The following ZNF397 variants were observed in gnomAD, a reference collection of about 807,000 sequenced individuals.
The protein encoded by ZNF397 is zinc finger protein 397, also known as zinc finger and SCAN domain-containing protein 15.
Under a neutral mutation model 50.6 loss-of-function variants are expected in ZNF397, and 38 were observed. The observed-to-expected ratio is 0.75, with a 90% CI of 0.58 to 0.98. The LOEUF (loss-of-function observed/expected upper bound fraction) is 0.98. ZNF397 is among the 50% of genes least tolerant of loss of function. The pLI, the probability that ZNF397 is intolerant of heterozygous loss-of-function variation, is 0.00. For missense variants in ZNF397, 624 were observed against 624.1 expected (o/e 1.00, Z 0.00); for synonymous variants, 228 against 215.2 (o/e 1.06, Z -0.52).
Position 35,247,535 on chromosome 18 carries a change from TC to T in ZNF397, c.*1227del, listed in dbSNP as rs1386451312. 1 of 152,240 alleles carries T rather than the reference TC, an allele frequency of 6.6e-6. No homozygotes were observed. Among genetic ancestry groups the T allele is most frequent in the African/African-American group, 2.4e-5 (1 of 41,454 alleles). 9.4% of individuals were successfully genotyped at this position (152,240 alleles called of 1,614,324 possible). ...GTTTCTGGGGCTATACGCCCACAAT[TC>T]CTAGTACATTCCCTTGGGCTTTGGT... On this transcript the variant is annotated 3_prime_UTR_variant, in exon 4 of 4. Coordinates refer to ENST00000330501, the MANE Select transcript of ZNF397 (RefSeq NM_001135178.3).
Position 35,243,737 on chromosome 18 carries a change from G to A in ZNF397, c.556+444G>A, listed in dbSNP as rs753501785. On this transcript the variant is annotated intron_variant, in intron 3 of 3. Transcript: ENST00000330501. ...AGGAAGAAAATCTAAGCTAAGACTT[G>A]AACTATGAGTAAGAGAAAGCCAGGT... The A allele has an allele frequency of 8.7e-5, 24 of 275,100 alleles. No individual in the cohort carries two copies. In the East Asian group the frequency reaches 1.3e-3, roughly 15 times the overall value. 17.0% of individuals were successfully genotyped at this position (275,100 alleles called of 1,614,324 possible).
chr18:35,243,507 A>T, intron 3 of ZNF397: 1 of 668,388 alleles, frequency 1.5e-6, no homozygotes. Context: ...CATTCATTTC[A>T]TTATGTTGTA....
intron 3 of ZNF397, 129 bp downstream of exon 3, chr18:35,243,422 TC>T: frequency 1.4e-6 from 2 of 1,382,690 alleles, no homozygotes. Context: ...CCAGAGGTGC[TC>T]GCTTTAGCGG....
chr18:35,254,286 CAGG>C (rs1212118892), downstream of ZNF397: 1 of 1,613,962 alleles, frequency 6.2e-7, no homozygotes, highest in South Asian at 1.1e-5. Flanking sequence ...TGTGTTTCTC[CAGG>C]AAGTTTTCCC....
At position 35,248,230 on chromosome 18, in the gene ZNF397, G is replaced by A. The variant is rs1479638201; in HGVS notation, c.*1920G>A. On this transcript the variant is annotated 3_prime_UTR_variant, in exon 4 of 4. Transcript: ENST00000330501. ...ATCTAGAATCATGTGCATAGAAAAA[G>A]AATTTTCATGAGGATAAAAAGAAGC... The A allele has an allele frequency of 6.6e-6, 1 of 152,132 alleles. No homozygotes were observed. Among genetic ancestry groups the A allele is most frequent in the African/African-American group, 2.4e-5 (1 of 41,410 alleles). The allele number at this position is 152,132 out of a possible 1,614,324, so 9.4% of individuals were successfully genotyped here. A position where few individuals can be genotyped will look rare whatever the true frequency, so the allele number is the denominator to read the frequency against.
intron 5 of ZNF397, chr18:35,257,549 T>C (rs1398137587): frequency 8.5e-6 from 2 of 236,358 alleles, no homozygotes; most frequent in Non-Finnish European, 1.6e-5. Context: ...AGTGGGACCT[T>C]ACCAAATACA....
exon 6 of ZNF397, chr18:35,258,252 A>G (rs964452615): frequency 6.7e-6 from 3 of 449,242 alleles, no homozygotes; most frequent in Non-Finnish European, 1.2e-5. Flanking sequence ...CCATGGGACC[A>G]CGCATAAATG....
chr18:35,244,018 T>G (rs1046541238), intron 3 of ZNF397: 3 of 155,186 alleles, frequency 1.9e-5, no homozygotes, highest in Non-Finnish European at 4.4e-5. Context: ...ATAGTTTGAT[T>G]TGCAGTTTAG....
At chr18:35,242,291 A>C (rs565126974) in intron 1 of ZNF397, 100 bp from the exon 2 acceptor site, 1 of 545,238 alleles carries the variant, frequency 1.8e-6, no homozygotes. Flanking sequence ...CCCCAAATCT[A>C]CTCCCTTTCA....
Position 35,242,523 on chromosome 18 carries a change from A to C in ZNF397, c.53A>C (p.Glu18Ala), listed in dbSNP as rs1912588533. Residue 18 changes from glutamate (E) to alanine (A), a missense_variant, in exon 2 of 4, where the codon GAA becomes GCA. Transcript: ENST00000330501. ...ISTLIPQDPPEQELILVKVED... is the reference protein window; with the variant it reads ...ISTLIPQDPPAQELILVKVED... ...ACCCTGATACCTCAGGATCCTCCGG[A>C]ACAAGAACTAATACTAGTGAAAGTA... 6.2e-7 allele frequency: 1 copy of C among 1,614,070 alleles called. No individual in the cohort carries two copies. Among genetic ancestry groups the C allele is most frequent in the African/African-American group, 1.3e-5 (1 of 74,930 alleles).
At chr18:35,253,723 C>G, downstream of ZNF397, 1 of 1,614,164 alleles carries the variant, frequency 6.2e-7, no homozygotes, top group Non-Finnish European at 8.5e-7. Flanking sequence ...TGTGAATTTT[C>G]TTATGCTGAA....
downstream of ZNF397, chr18:35,254,494 T>C: frequency 6.4e-7 from 1 of 1,554,516 alleles, no homozygotes; most frequent in Non-Finnish European, 8.7e-7. Context: ...GGAGGACAGT[T>C]CTCAAAACTA....
At chr18:35,256,053 A>C (rs2043798744) in intron 5 of ZNF397, among the ~76,000 whole-genome samples, 1 of 152,092 alleles carries the variant, frequency 6.6e-6, no homozygotes, top group South Asian at 2.1e-4. Flanking sequence ...TGAAAATTAG[A>C]AAAGCAATGT....
downstream of ZNF397, among the ~76,000 whole-genome samples, chr18:35,250,527 G>A (rs1403268534): frequency 8.7e-6 from 1 of 114,822 alleles, no homozygotes; most frequent in East Asian, 2.3e-4. Context: ...GCAATTTAGT[G>A]TACTTAACTT....
At chr18:35,242,039 T>C (rs1225115649) in intron 1 of ZNF397, among the ~76,000 whole-genome samples, 1 of 152,234 alleles carries the variant, frequency 6.6e-6, no homozygotes, top group Non-Finnish European at 1.5e-5. Context: ...AAGAGAGTTC[T>C]ACAAGTTTTA....
In ZNF397 at chr18:35,243,134, A is replaced by G. The variant is rs1311477357; in HGVS notation, c.415-18A>G. ...TAGGGATTTTCTCACAAAGCTAACC[A>G]TATTTTACTGATTTCAGGTCCCAGC... is the stretch of plus-strand genomic sequence containing the variant. On this transcript the variant is annotated intron_variant, in intron 2 of 3. Transcript: ENST00000330501. 3 of 1,613,846 alleles carry G rather than the reference A, an allele frequency of 1.9e-6. No individual in the cohort carries two copies. Among genetic ancestry groups the G allele is most frequent in the South Asian group, 1.1e-5 (1 of 91,010 alleles).
Position 35,247,066 on chromosome 18 carries a change from G to A in ZNF397, c.*756G>A. 1 of 981,370 alleles carries A rather than the reference G, an allele frequency of 1.0e-6. No individual in the cohort carries two copies. Among genetic ancestry groups the A allele is most frequent in the Non-Finnish European group, 1.2e-6 (1 of 826,216 alleles). The allele number at this position is 981,370 out of a possible 1,614,324, so 60.8% of individuals were successfully genotyped here. A position where few individuals can be genotyped will look rare whatever the true frequency, so the allele number is the denominator to read the frequency against. ...AGGAGTTAGCCAAGGTGGTACTCTAGGGAAGTGGTACCCCAGTAAAGAACA... is the reference window on the plus strand; with the variant it reads ...AGGAGTTAGCCAAGGTGGTACTCTAAGGAAGTGGTACCCCAGTAAAGAACA... On this transcript the variant is annotated 3_prime_UTR_variant, in exon 4 of 4. Coordinates refer to ENST00000330501, the MANE Select transcript of ZNF397 (RefSeq NM_001135178.3).
Position 35,249,481 on chromosome 18 carries a change from GTC to G in ZNF397, c.*3175_*3176del, listed in dbSNP as rs1477925396. ...AGCCTGACCAATATGGTGAAACCCC[GTC>G]TCTACTAAAAATACAAAACAATTAG... On this transcript the variant is annotated 3_prime_UTR_variant, in exon 4 of 4. Transcript: ENST00000330501. The G allele has an allele frequency of 1.3e-5, 2 of 151,568 alleles. No homozygotes were observed. The highest frequency in any genetic ancestry group is 2.9e-5 in the Non-Finnish European group (2 of 67,910). 9.4% of individuals were successfully genotyped at this position (151,568 alleles called of 1,614,324 possible).
chr18:35,242,724 C>A lies in ZNF397; in HGVS notation c.254C>A (p.Thr85Lys), dbSNP rs1292726436. The A allele has an allele frequency of 6.2e-6, 10 of 1,614,090 alleles. No homozygotes were observed. The highest frequency in any genetic ancestry group is 7.6e-6 in the Non-Finnish European group (9 of 1,180,048). The stretch of plus-strand genomic sequence containing the variant: ...CAGTGGCTAATGCCAGAGTTGCACA[C>A]AAAGGAGCAGATCTTAGAACTGCTG... ...CYQWLMPELH[T>K]KEQILELLVL... Residue 85 changes from threonine to lysine, a missense_variant, in exon 2 of 4, where the codon ACA becomes AAA. Thr to Lys is a moderately conservative substitution (Grantham distance 78, BLOSUM62 -1). Coordinates refer to ENST00000330501, the MANE Select transcript of ZNF397 (RefSeq NM_001135178.3).
Sources: allele counts gnomAD v4.1 joint callset (sites outside exome capture counted in the v4.1 genomes callset), GRCh38; gene constraint gnomAD v4.1.1; transcripts MANE v1.5; gene names NCBI Gene and HGNC (gene_info 2026-07-23, HGNC 2026-07-21).